OR9G4: variants seen among roughly 807,000 people sequenced by gnomAD.
OR9G4 encodes olfactory receptor 9G4.
In OR9G4, 19 loss-of-function variants were observed where a neutral mutation model predicts 16.7. That is an observed-to-expected ratio of 1.14 (90% CI 0.79 to 1.67). The LOEUF (loss-of-function observed/expected upper bound fraction) is 1.67, where lower values mean the gene tolerates loss of function less well. OR9G4 is among the 40% of genes most tolerant of loss of function. OR9G4 has a pLI of 0.00. For synonymous variants in OR9G4, 182 were observed against 146.2 expected, an observed-to-expected ratio of 1.24 and a Z score of -1.76; for missense variants, 428 against 370.4, an observed-to-expected ratio of 1.16 and a Z score of -1.28.
At chr11:56,744,699 TTA>T (rs1459196270) in intron 1 of OR9G4, among the ~76,000 whole-genome samples, 1 of 152,106 alleles carries the variant, frequency 6.6e-6, no homozygotes, top group Admixed American at 6.5e-5. Flanking sequence ...AAGAAGCTTT[TTA>T]TGTTTCTCTT....
At position 56,743,382 on chromosome 11, in the gene OR9G4, G is replaced by T. The variant is rs777478564; in HGVS notation, c.385C>A (p.Pro129Thr). The T allele has an allele frequency of 3.4e-5, 55 of 1,613,900 alleles. No homozygotes were observed. In the East Asian group the frequency reaches 5.8e-4, roughly 17 times the overall value. Residue 129 changes from proline (P) to threonine (T), a missense_variant, in exon 2 of 2, where the codon CCA (proline) becomes ACA (threonine). Coordinates refer to ENST00000641668, the MANE Select transcript of OR9G4 (RefSeq NM_001005284.2). Reference protein sequence around the residue: ...AYDRHAAICNPLLYSGTMSTA... With the variant: ...AYDRHAAICNTLLYSGTMSTA... The stretch of plus-strand genomic sequence containing the variant: ...GACATGGTACCTGAATAAAGCAATG[G>T]GTTACAAATTGCTGCATGGCGGTCA...
intron 1 of OR9G4, among the ~76,000 whole-genome samples, chr11:56,748,167 G>C (rs946130372): frequency 2.0e-5 from 3 of 152,162 alleles, no homozygotes; most frequent in Admixed American, 6.5e-5. Context: ...GAAAATGTCT[G>C]AGCCAATCAT....
Position 56,743,520 on chromosome 11 carries a change from C to T in OR9G4, c.247G>A (p.Ala83Thr), listed in dbSNP as rs1172246341. The T allele has an allele frequency of 6.2e-7, 1 of 1,614,008 alleles. No individual in the cohort carries two copies. The highest frequency in any genetic ancestry group is 1.7e-5 in the Admixed American group (1 of 59,994). ...CGCTTATCTTCTGAGACACAACTGGCCAGGATTTTGGGGGTATACACAGAG... is the reference window on the plus strand; with the variant it reads ...CGCTTATCTTCTGAGACACAACTGGTCAGGATTTTGGGGGTATACACAGAG... ...YTSVYTPKIL[A>T]SCVSEDKRIS... is the part of the protein sequence containing the mutation. Residue 83 changes from alanine (A) to threonine (T), a missense_variant, in exon 2 of 2, where the codon GCC becomes ACC. By Grantham distance (58) the Ala-to-Thr change is moderately conservative. Transcript: ENST00000641668.
rs189388422 is a variant in OR9G4, at chr11:56,746,110, G to A, written c.-22-2322C>T. On this transcript the variant is annotated intron_variant, in intron 1 of 1. Transcript: ENST00000641668. Reference sequence around the variant, plus strand: ...AGATCGAGACCATCCCGGCTAAAACGGTGAAACCCCGTCTCTACTAAAAAT... The same window carrying A: ...AGATCGAGACCATCCCGGCTAAAACAGTGAAACCCCGTCTCTACTAAAAAT... Among the ~76,000 whole-genome samples, 571 of 151,400 alleles carry A rather than the reference G, an allele frequency of 3.8e-3. 15 individuals carry two copies. In the East Asian group the frequency reaches 0.085, roughly 23 times the overall value.
chr11:56,746,220 G>A (rs1412529424), intron 1 of OR9G4, among the ~76,000 whole-genome samples: 1 of 148,478 alleles, frequency 6.7e-6, no homozygotes, highest in Non-Finnish European at 1.5e-5. Context: ...GTGAACCCGG[G>A]AGGCGGAGCT....
At position 56,742,856 on chromosome 11, in the gene OR9G4, G is replaced by T. The variant is rs931047201; in HGVS notation, c.911C>A (p.Ala304Glu). The T allele has an allele frequency of 6.2e-7, 1 of 1,613,774 alleles. No homozygotes were observed. The highest frequency in any genetic ancestry group is 8.5e-7 in the Non-Finnish European group (1 of 1,179,844). The stretch of plus-strand genomic sequence containing the variant: ...TGTTTGTGGTTGTATAGTCTGTGTT[G>T]CTTTCCTGAAGGCCTCTTTGATATC... Reference protein sequence around the residue: ...NKDIKEAFRKATQTIQPQT With the variant: ...NKDIKEAFRKETQTIQPQT Residue 304 changes from alanine (A) to glutamate (E), a missense_variant, in exon 2 of 2, where the codon GCA becomes GAA. Ala to Glu is a moderately radical substitution (Grantham distance 107). Coordinates refer to ENST00000641668, the MANE Select transcript of OR9G4 (RefSeq NM_001005284.2).
intron 1 of OR9G4, among the ~76,000 whole-genome samples, chr11:56,747,397 C>T (rs557820992): frequency 2.6e-4 from 39 of 152,038 alleles, no homozygotes; most frequent in East Asian, 7.8e-4. Context: ...CCTTTCCTTC[C>T]GACAATCTTC....
In OR9G4 at chr11:56,741,237, CGTTT is replaced by C. The variant is rs201813777; in HGVS notation, c.*1587_*1590del. 21 of 332,088 alleles carry C rather than the reference CGTTT, an allele frequency of 6.3e-5. No individual in the cohort carries two copies. Among genetic ancestry groups the C allele is most frequent in the South Asian group, 4.2e-4 (18 of 42,608 alleles). 20.6% of individuals were successfully genotyped at this position (332,088 alleles called of 1,614,324 possible). ...AGAAAAATTGTGTTTCTTTGTGTTT[CGTTT>C]GTTTGTTATGATTTTGAGATCAGAC... On this transcript the variant is annotated 3_prime_UTR_variant, in exon 2 of 2. Transcript: ENST00000641668.
intron 1 of OR9G4, among the ~76,000 whole-genome samples, chr11:56,745,461 T>C (rs530805001): frequency 6.6e-6 from 1 of 152,304 alleles, no homozygotes; most frequent in East Asian, 1.9e-4. Flanking sequence ...ACTTCCATGA[T>C]TCCAATTTGC....
At chr11:56,743,915 G>A (rs1216639517) in intron 1 of OR9G4, 127 bp from the exon 2 acceptor site, 6 of 1,060,366 alleles carry the variant, frequency 5.7e-6, no homozygotes, top group Admixed American at 2.4e-5. Flanking sequence ...TAGAATTATA[G>A]GACTTCAGTC....
chr11:56,743,581 G>A lies in OR9G4; in HGVS notation c.186C>T (p.Phe62=). 1.2e-6 allele frequency: 2 copies of A among 1,614,164 alleles called. No homozygotes were observed. The highest frequency in any genetic ancestry group is 1.1e-5 in the South Asian group (1 of 91,084). The change falls in exon 2 of 2, where the codon TTC becomes TTT. Residue 62 remains phenylalanine, a synonymous_variant. Coordinates refer to ENST00000641668, the MANE Select transcript of OR9G4 (RefSeq NM_001005284.2). ...DSHLHTPMYF[F]IGNLSFLDFW... ...AATCCAAAAAAGACAGATTGCCAAT[G>A]AAAAAGTACATAGGTGTATGCAAGT...
At chr11:56,748,451 T>G (rs1316281626) in intron 1 of OR9G4, among the ~76,000 whole-genome samples, 1 of 152,226 alleles carries the variant, frequency 6.6e-6, no homozygotes, top group Non-Finnish European at 1.5e-5. Flanking sequence ...GATACAAGAC[T>G]GAGTTTCAAA....
chr11:56,745,680 G>A (rs1398479480), intron 1 of OR9G4, among the ~76,000 whole-genome samples: 1 of 151,688 alleles, frequency 6.6e-6, no homozygotes, highest in Non-Finnish European at 1.5e-5. Flanking sequence ...GCTGAGGCAG[G>A]AGAATCGCTT....
At chr11:56,743,900 C>T in intron 1 of OR9G4, 112 bp from the exon 2 acceptor site, 2 of 1,244,228 alleles carry the variant, frequency 1.6e-6, no homozygotes, top group Non-Finnish European at 2.2e-6. Flanking sequence ...TTCTCCCTTA[C>T]TATCTAGAAT....
chr11:56,747,183 T>TTTATTA (rs71058030), intron 1 of OR9G4, among the ~76,000 whole-genome samples: 4,680 of 142,786 alleles, frequency 0.033, 100 homozygotes, highest in African/African-American at 0.049. Flanking sequence ...GCATCAAAGA[T>TTTATTA]TTATTATTAT....
intron 1 of OR9G4, among the ~76,000 whole-genome samples, chr11:56,747,850 AT>A: frequency 6.6e-6 from 1 of 152,096 alleles, no homozygotes; most frequent in East Asian, 1.9e-4. Flanking sequence ...AATGTTTTGT[AT>A]TTTTAGTAAA....
At chr11:56,743,907 G>C in intron 1 of OR9G4, 119 bp from the exon 2 acceptor site, 2 of 1,130,806 alleles carry the variant, frequency 1.8e-6, no homozygotes. Context: ...TTACTATCTA[G>C]AATTATAGGA....
At position 56,742,767 on chromosome 11, in the gene OR9G4, A is replaced by G. The variant is rs11228762; in HGVS notation, c.*61T>C. 406,966 of 1,434,096 alleles carry G rather than the reference A, an allele frequency of 0.28. 64,479 individuals are homozygous for G. Among genetic ancestry groups the G allele is most frequent in the East Asian group, 0.6 (26,365 of 43,818 alleles). 88.8% of individuals were successfully genotyped at this position (1,434,096 alleles called of 1,614,324 possible). A position where few individuals can be genotyped will look rare whatever the true frequency, so the allele number is the denominator to read the frequency against. On this transcript the variant is annotated 3_prime_UTR_variant, in exon 2 of 2. Transcript: ENST00000641668. Reference sequence around the variant, plus strand: ...AATTGAACTACAGAAATGCAAATGAACACATTTATAAGCCAATAATCTGGA... The same window carrying G: ...AATTGAACTACAGAAATGCAAATGAGCACATTTATAAGCCAATAATCTGGA...
chr11:56,743,066 C>T lies in OR9G4; in HGVS notation c.701G>A (p.Arg234Lys). 2 of 1,614,158 alleles carry T rather than the reference C, an allele frequency of 1.2e-6. No homozygotes were observed. The highest frequency in any genetic ancestry group is 8.5e-7 in the Non-Finnish European group (1 of 1,180,030). ...AGCACAGGTGGAGAATGCCTTGTGTCTTCCTGAAGCTGAGTGGATTCTCAG... is the reference window on the plus strand; with the variant it reads ...AGCACAGGTGGAGAATGCCTTGTGTTTTCCTGAAGCTGAGTGGATTCTCAG... Reference protein sequence around the residue: ...AILRIHSASGRHKAFSTCASH... With the variant: ...AILRIHSASGKHKAFSTCASH... Residue 234 changes from arginine (R) to lysine (K), a missense_variant, in exon 2 of 2, where the codon AGA (arginine) becomes AAA (lysine). Coordinates refer to ENST00000641668, the MANE Select transcript of OR9G4 (RefSeq NM_001005284.2).
Sources: gnomAD v4.1 joint callset for allele counts (sites outside exome capture counted in the v4.1 genomes callset) on GRCh38, gnomAD v4.1.1 for gene constraint, MANE v1.5 for transcripts, NCBI Gene and HGNC (gene_info 2026-07-23, HGNC 2026-07-21) for gene names.